Variants in LHFPL2 observed in about 807,000 individuals in gnomAD.
The protein encoded by LHFPL2 is LHFPL tetraspan subfamily member 2.
A neutral mutation model predicts 17.5 loss-of-function variants in LHFPL2; 7 were observed. That is an observed-to-expected ratio of 0.40 (90% CI 0.23 to 0.75). LHFPL2 has a LOEUF of 0.75. Among genes scored for constraint, LHFPL2 ranks in the 30% least tolerant of loss-of-function variants. The probability of loss-of-function intolerance (pLI) is 0.37; values close to 1 mark genes in which losing one functional copy is unlikely to be tolerated. For missense variants in LHFPL2, 241 were observed against 294.8 expected, an observed-to-expected ratio of 0.82 and a Z score of 1.34; for synonymous variants, 134 against 116.2, an observed-to-expected ratio of 1.15 and a Z score of -0.99.
rs1263678217 is a variant in LHFPL2, at chr5:78,613,667, C to G, written c.-245+18597G>C. On this transcript the variant is annotated intron_variant, in intron 2 of 4. Transcript: ENST00000380345. ...TTTCACTGTTTATTACTCTCAGGTT[C>G]AAATTTTTAAATCCATTTGAAATGG... Among the ~76,000 whole-genome samples, 27 of 152,156 alleles carry G rather than the reference C, an allele frequency of 1.8e-4. 1 individual carries two copies. Among genetic ancestry groups the G allele is most frequent in the Admixed American group, 1.8e-3 (27 of 15,278 alleles).
At chr5:78,504,341 A>C (rs1190099928) in intron 4 of LHFPL2, among the ~76,000 whole-genome samples, 1 of 152,172 alleles carries the variant, frequency 6.6e-6, no homozygotes. Context: ...ATTCTGAGGC[A>C]GGGCTCCATG....
chr5:78,608,424 C>T (rs1744300902), intron 2 of LHFPL2, among the ~76,000 whole-genome samples: 1 of 152,096 alleles, frequency 6.6e-6, no homozygotes, highest in Admixed American at 6.6e-5. Context: ...TACACAACCT[C>T]CATGTGACAA....
At chr5:78,503,062 C>T (rs1009696648) in intron 4 of LHFPL2, among the ~76,000 whole-genome samples, 13 of 152,198 alleles carry the variant, frequency 8.5e-5, no homozygotes, top group African/African-American at 3.1e-4. Flanking sequence ...CATAAATGAG[C>T]TCATAAATGT....
At chr5:78,642,639 T>A (rs1745712483) in intron 1 of LHFPL2, among the ~76,000 whole-genome samples, 1 of 152,138 alleles carries the variant, frequency 6.6e-6, no homozygotes, top group East Asian at 1.9e-4. Flanking sequence ...CACTTGCCAC[T>A]ACCGTAAAAA....
chr5:78,534,248 G>A (rs1755871876), intron 3 of LHFPL2, among the ~76,000 whole-genome samples: 3 of 152,198 alleles, frequency 2.0e-5, no homozygotes, highest in African/African-American at 7.2e-5. Context: ...GCGGCCCCTG[G>A]GCCTGGGCCC....
chr5:78,499,945 G>A (rs1580747751), intron 4 of LHFPL2, among the ~76,000 whole-genome samples: 1 of 151,694 alleles, frequency 6.6e-6, no homozygotes, highest in East Asian at 1.9e-4. Flanking sequence ...GGCTCACTAT[G>A]ATGTGAACCT....
chr5:78,563,506 G>A lies in LHFPL2; in HGVS notation c.-186+1307C>T, dbSNP rs186758090. Among the ~76,000 whole-genome samples, 447 of 152,044 alleles carry A rather than the reference G, an allele frequency of 2.9e-3. 3 individuals carry two copies. The highest frequency in any genetic ancestry group is 0.01 in the African/African-American group (430 of 41,450). On this transcript the variant is annotated intron_variant, in intron 3 of 4. Coordinates refer to ENST00000380345, the MANE Select transcript of LHFPL2 (RefSeq NM_005779.3). ...AGGTCAGGAGTTCAAGACCAGCCTG[G>A]CCAACATGGTGAAACCCCGTCTCTA...
At chr5:78,542,034 C>G (rs891863446) in intron 3 of LHFPL2, among the ~76,000 whole-genome samples, 6 of 151,868 alleles carry the variant, frequency 4.0e-5, no homozygotes, top group African/African-American at 7.3e-5. Context: ...AAGCCATTTG[C>G]AACTGTAGAA....
At chr5:78,644,132 T>TA in intron 1 of LHFPL2, 1 of 507,630 alleles carries the variant, frequency 2.0e-6, no homozygotes, top group Non-Finnish European at 3.5e-6. Flanking sequence ...GTGTTAACTA[T>TA]ACAAAAAAGA....
At chr5:78,633,658 A>C in intron 1 of LHFPL2, among the ~76,000 whole-genome samples, 1 of 152,228 alleles carries the variant, frequency 6.6e-6, no homozygotes, top group Non-Finnish European at 1.5e-5. Context: ...TCTGTTGTAA[A>C]AAATACACAA....
At position 78,584,016 on chromosome 5, in the gene LHFPL2, A is replaced by C. The variant is rs931439519; in HGVS notation, c.-244-19145T>G. On this transcript the variant is annotated intron_variant, in intron 2 of 4. Coordinates refer to ENST00000380345, the MANE Select transcript of LHFPL2 (RefSeq NM_005779.3). ...CTTTTTTCTCTAAACTTCCCTTCTC[A>C]CTTCATTTCATTTATTTCATCTTCC... 3.3e-3 allele frequency among the ~76,000 whole-genome samples: 508 copies of C among 151,788 alleles called. 3 individuals carry two copies. The highest frequency in any genetic ancestry group is 0.011 in the African/African-American group (472 of 41,344).
intron 3 of LHFPL2, among the ~76,000 whole-genome samples, chr5:78,561,380 G>A (rs1257585742): frequency 6.6e-6 from 1 of 152,204 alleles, no homozygotes; most frequent in Non-Finnish European, 1.5e-5. Context: ...ATCGGATGGT[G>A]CAGGTATAGC....
intron 1 of LHFPL2, among the ~76,000 whole-genome samples, chr5:78,633,156 C>T (rs1745314329): frequency 6.6e-6 from 1 of 152,182 alleles, no homozygotes. Context: ...TGGAAGGAGG[C>T]AACGACACCC....
intron 3 of LHFPL2, among the ~76,000 whole-genome samples, chr5:78,520,823 A>G (rs1755433670): frequency 6.6e-6 from 1 of 150,408 alleles, no homozygotes; most frequent in African/African-American, 2.5e-5. Context: ...AACTGCTACA[A>G]ATGAGGCCCC....
Position 78,487,679 on chromosome 5 carries a change from A to ATTCTT in LHFPL2, c.*1213_*1217dup, listed in dbSNP as rs1754293862. 1 of 152,176 alleles carries ATTCTT rather than the reference A, an allele frequency of 6.6e-6. No homozygotes were observed. The highest frequency in any genetic ancestry group is 2.4e-5 in the African/African-American group (1 of 41,446). 9.4% of individuals were successfully genotyped at this position (152,176 alleles called of 1,614,324 possible). A position where few individuals can be genotyped will look rare whatever the true frequency, so the allele number is the denominator to read the frequency against. On this transcript the variant is annotated 3_prime_UTR_variant, in exon 5 of 5. Coordinates refer to ENST00000380345, the MANE Select transcript of LHFPL2 (RefSeq NM_005779.3). ...GAATCCTTATTCATAGTGGTATTTG[A>ATTCTT]TTCTTTTTGTAAACAGGTGTAGGCA...
chr5:78,488,698 C>G lies in LHFPL2; in HGVS notation c.*199G>C, dbSNP rs1447927337. On this transcript the variant is annotated 3_prime_UTR_variant, in exon 5 of 5. Coordinates refer to ENST00000380345, the MANE Select transcript of LHFPL2 (RefSeq NM_005779.3). ...TATATACTATTTTCATGTTCCATTC[C>G]TTATAATGTGCACTGCAGACCGCAT... 8 of 610,494 alleles carry G rather than the reference C, an allele frequency of 1.3e-5. No homozygotes were observed. The highest frequency in any genetic ancestry group is 2.3e-5 in the Non-Finnish European group (8 of 346,212). 37.8% of individuals were successfully genotyped at this position (610,494 alleles called of 1,614,324 possible).
chr5:78,499,909 C>T (rs1754720180), intron 4 of LHFPL2, among the ~76,000 whole-genome samples: 1 of 152,094 alleles, frequency 6.6e-6, no homozygotes, highest in Non-Finnish European at 1.5e-5. Context: ...AGAAAGAAGC[C>T]TAATGAACAG....
chr5:78,567,770 T>C (rs1179544184), intron 2 of LHFPL2, among the ~76,000 whole-genome samples: 1 of 152,088 alleles, frequency 6.6e-6, no homozygotes, highest in Non-Finnish European at 1.5e-5. Flanking sequence ...TCACATTTTA[T>C]CCTAACAACT....
At chr5:78,623,996 C>G (rs758944403) in intron 2 of LHFPL2, among the ~76,000 whole-genome samples, 1 of 152,188 alleles carries the variant, frequency 6.6e-6, no homozygotes, top group South Asian at 2.1e-4. Context: ...CCCAGAATAA[C>G]AAAGTAACGA....
Sources: allele counts gnomAD v4.1 joint callset (sites outside exome capture counted in the v4.1 genomes callset), GRCh38; gene constraint gnomAD v4.1.1; transcripts MANE v1.5; gene names NCBI Gene and HGNC (gene_info 2026-07-23, HGNC 2026-07-21).